The following TEX11 variants were observed in gnomAD, a reference collection of about 807,000 sequenced individuals.
TEX11 encodes the protein testis expressed 11.
TEX11 carries 7 observed loss-of-function variants against 84.4 expected under a neutral mutation model. The ratio of observed to expected loss-of-function variants is 0.08; its 90% CI spans 0.05 to 0.16. TEX11 has a LOEUF of 0.16. Among genes scored for constraint, TEX11 ranks in the 10% least tolerant of loss-of-function variants. The pLI is 1.00. For missense variants in TEX11, 551 were observed against 660.5 expected (o/e 0.83, Z 1.82); for synonymous variants, 264 against 222.8 (o/e 1.18, Z -1.64).
chrX:70,624,155 T>C (rs978400847), intron 19 of TEX11, 149 bp from the exon 20 acceptor site: 2 of 300,618 alleles, frequency 6.7e-6, no homozygotes, highest in African/African-American at 5.5e-5. Context: ...ATTTAATTTA[T>C]ATATATTTTA....
chrX:70,682,567 G>A, intron 14 of TEX11, 107 bp downstream of exon 14: 1 of 861,506 alleles, frequency 1.2e-6, no homozygotes, highest in Non-Finnish European at 1.6e-6. Flanking sequence ...AAGAAAAAAA[G>A]GAAGTGGAAG....
intron 9 of TEX11, among the ~76,000 whole-genome samples, chrX:70,784,235 T>C (rs2091062163): frequency 9.0e-6 from 1 of 111,593 alleles, no homozygotes; most frequent in Non-Finnish European, 1.9e-5. Context: ...AACCACATGA[T>C]TATCGCAATA....
chrX:70,806,280 C>G (rs1174151328), intron 9 of TEX11, among the ~76,000 whole-genome samples: 1 of 110,946 alleles, frequency 9.0e-6, no homozygotes, highest in African/African-American at 3.3e-5. Flanking sequence ...CATGGCGAAA[C>G]CCCTTCTCTA....
chrX:70,565,904 T>C (rs868350548), intron 25 of TEX11, among the ~76,000 whole-genome samples: 5 of 110,675 alleles, frequency 4.5e-5, no homozygotes, highest in African/African-American at 1.6e-4. Flanking sequence ...TTTGGTTCCA[T>C]ATGAACTTTA....
intron 8 of TEX11, among the ~76,000 whole-genome samples, chrX:70,810,319 T>G (rs2091244969): frequency 1.8e-5 from 2 of 112,230 alleles, no homozygotes; most frequent in African/African-American, 6.5e-5. Context: ...TTATAAATCA[T>G]TCTATCATAA....
intron 17 of TEX11, among the ~76,000 whole-genome samples, chrX:70,646,485 G>A (rs1818826668): frequency 8.9e-6 from 1 of 111,807 alleles, no homozygotes; most frequent in Admixed American, 9.5e-5. Context: ...CATTTGAGAA[G>A]GGGTTAACAT....
intron 28 of TEX11, among the ~76,000 whole-genome samples, chrX:70,530,996 T>A (rs774548032): frequency 9.0e-6 from 1 of 110,710 alleles, no homozygotes; most frequent in Admixed American, 9.7e-5. Context: ...GAAACACTAC[T>A]CCTCATCCTT....
intron 19 of TEX11, 25 bp downstream of exon 19, chrX:70,624,814 C>G (rs1298585279): frequency 8.7e-7 from 1 of 1,142,960 alleles, no homozygotes; most frequent in African/African-American, 1.8e-5. Context: ...AATACTTTCT[C>G]TTCCACAGGA....
chrX:70,637,868 C>T (rs939889676), intron 17 of TEX11, among the ~76,000 whole-genome samples: 1 of 110,019 alleles, frequency 9.1e-6, no homozygotes, highest in Admixed American at 9.7e-5. Flanking sequence ...CCATGGCACA[C>T]GTTTACCTAT....
At chrX:70,739,620 C>T (rs765325182) in intron 11 of TEX11, among the ~76,000 whole-genome samples, 10 of 110,292 alleles carry the variant, frequency 9.1e-5, no homozygotes, top group Non-Finnish European at 1.5e-4. Context: ...CCATGTTGAC[C>T]AGGATGGTTT....
At chrX:70,518,301 CCA>C in the TEX11 span, among the ~76,000 whole-genome samples, 2 of 111,578 alleles carry the variant, frequency 1.8e-5, no homozygotes, top group Non-Finnish European at 3.8e-5. Context: ...TAAATGTGTC[CCA>C]GAGATTCTGG....
At chrX:70,651,605 C>T in intron 16 of TEX11, 53 bp from the exon 17 acceptor site, 1 of 925,548 alleles carries the variant, frequency 1.1e-6, no homozygotes, top group Non-Finnish European at 1.5e-6. Context: ...GAAGGACTTA[C>T]CATATTTTAC....
chrX:70,871,449 G>A (rs932035889), intron 4 of TEX11, among the ~76,000 whole-genome samples: 3 of 111,651 alleles, frequency 2.7e-5, no homozygotes, highest in Non-Finnish European at 5.6e-5. Context: ...TGACTTTCCT[G>A]TTCATTGTTC....
intron 9 of TEX11, among the ~76,000 whole-genome samples, chrX:70,788,345 C>G (rs1299542175): frequency 9.0e-6 from 1 of 110,705 alleles, no homozygotes; most frequent in Non-Finnish European, 1.9e-5. Context: ...AATAGAGAGC[C>G]CAGAAATGAA....
intron 2 of TEX11, among the ~76,000 whole-genome samples, chrX:70,898,692 G>A (rs772950415): frequency 1.3e-3 from 135 of 107,737 alleles, no homozygotes; most frequent in African/African-American, 4.4e-3. Context: ...TGCAAGCTCC[G>A]CCTCCCGGGT....
intron 9 of TEX11, among the ~76,000 whole-genome samples, chrX:70,787,204 TA>T (rs1327520473): frequency 8.9e-6 from 1 of 112,135 alleles, no homozygotes; most frequent in African/African-American, 3.2e-5. Context: ...AAATTAGATA[TA>T]AAAAGAACGT....
rs189216392 is a variant in TEX11, at chrX:70,584,051, G to A, written c.2140+7700C>T. 8.8e-4 allele frequency among the ~76,000 whole-genome samples: 96 copies of A among 108,773 alleles called. No homozygotes were observed. In the East Asian group the frequency reaches 0.021, roughly 24 times the overall value. The allele number at this position is 108,773 out of a possible 115,157, so 94.5% of individuals were successfully genotyped here. The stretch of plus-strand genomic sequence containing the variant: ...TCCCAGCACTTTGGGAGGCCGAGGC[G>A]GGTGGATCATGAGGTCAGGAGATCG... On this transcript the variant is annotated intron_variant, in intron 25 of 29. Transcript: ENST00000374333.
At chrX:70,896,475 T>C (rs2091766850) in intron 2 of TEX11, among the ~76,000 whole-genome samples, 1 of 111,360 alleles carries the variant, frequency 9.0e-6, no homozygotes, top group Non-Finnish European at 1.9e-5. Flanking sequence ...TCCTCAAGGA[T>C]CTAGAACCAG....
chrX:70,677,415 C>G (rs1479182859), intron 15 of TEX11, among the ~76,000 whole-genome samples: 1 of 111,344 alleles, frequency 9.0e-6, no homozygotes, highest in African/African-American at 3.3e-5. Flanking sequence ...GCACTGTTCC[C>G]GCTAATATTT....
Sources: gnomAD v4.1 joint callset for allele counts (sites outside exome capture counted in the v4.1 genomes callset) on GRCh38, gnomAD v4.1.1 for gene constraint, MANE v1.5 for transcripts, NCBI Gene and HGNC (gene_info 2026-07-23, HGNC 2026-07-21) for gene names.